The following ZNF571 variants were observed in gnomAD, a reference collection of about 807,000 sequenced individuals.
The protein encoded by ZNF571 is zinc finger protein 571.
Under a neutral mutation model 7.7 loss-of-function variants are expected in ZNF571, and 4 were observed. The ratio of observed to expected loss-of-function variants is 0.52; its 90% CI spans 0.25 to 1.18. The LOEUF is 1.18. ZNF571 is among the 50% of genes most tolerant of loss of function. The probability of loss-of-function intolerance (pLI) is 0.14; values close to 1 mark genes in which losing one functional copy is unlikely to be tolerated. For missense variants in ZNF571, 704 were observed against 726.9 expected (o/e 0.97, Z 0.36); for synonymous variants, 251 against 232.4 (o/e 1.08, Z -0.73).
intron 3 of ZNF571, among the ~76,000 whole-genome samples, chr19:37,576,098 C>T (rs930012354): frequency 7.2e-5 from 11 of 151,946 alleles, no homozygotes; most frequent in Non-Finnish European, 1.6e-4. Context: ...AGCCCAACTC[C>T]TAAAGAATTT....
chr19:37,577,292 G>A (rs541428691), intron 3 of ZNF571, among the ~76,000 whole-genome samples: 12 of 152,090 alleles, frequency 7.9e-5, no homozygotes, highest in Non-Finnish European at 1.6e-4. Flanking sequence ...CATACTATAT[G>A]CTTTAATAAA....
chr19:37,565,286 T>C lies in ZNF571; in HGVS notation c.1142A>G (p.His381Arg). 6.2e-7 allele frequency: 1 copy of C among 1,611,216 alleles called. No individual in the cohort carries two copies. The highest frequency in any genetic ancestry group is 8.5e-7 in the Non-Finnish European group (1 of 1,178,714). The change falls in exon 4 of 4, where the codon CAC becomes CGC. Residue 381 changes from histidine (H) to arginine (R), a missense_variant. Coordinates refer to ENST00000451802, the MANE Select transcript of ZNF571 (RefSeq NM_016536.5). ...TCTCTCACCTGAATGAACTCTCAGG[T>C]GGTAAGTAAGTTGTGAGCCACGAAA... ...TFFRGSQLTY[H>R]LRVHSGERPY...
chr19:37,566,627 C>T (rs1263610667), intron 3 of ZNF571: 1 of 201,562 alleles, frequency 5.0e-6, no homozygotes, highest in Non-Finnish European at 1.0e-5. Context: ...ATCAACAAAT[C>T]CTATCAGCTC....
rs8111790 is a variant in ZNF571 at position 37,565,861 on chromosome 19, C to G, written c.567G>C (p.Gln189His). The change falls in exon 4 of 4, where the codon CAG (glutamine) becomes CAC (histidine). Residue 189 changes from glutamine (Q) to histidine (H), a missense_variant. Gln to His is a conservative substitution (Grantham distance 24). Coordinates refer to ENST00000451802, the MANE Select transcript of ZNF571 (RefSeq NM_016536.5). ...KPSYIQHQRI[Q>H]TGEKPYECME... ...TACACTCATAAGGTTTCTCACCAGT[C>G]TGAATTCTCTGATGTTGAATATAGC... The G allele has an allele frequency of 0.34, 546,663 of 1,613,440 alleles. 98,924 individuals are homozygous for G. The highest frequency in any genetic ancestry group is 0.38 in the Non-Finnish European group (445,754 of 1,179,606).
intron 2 of ZNF571, 100 bp downstream of exon 2, chr19:37,586,568 T>C: frequency 2.8e-6 from 4 of 1,438,074 alleles, no homozygotes; most frequent in East Asian, 2.3e-5. Context: ...AGCAGTTCCC[T>C]TAAGGAACCA....
chr19:37,576,062 C>T (rs1426253638), intron 3 of ZNF571, among the ~76,000 whole-genome samples: 1 of 152,134 alleles, frequency 6.6e-6, no homozygotes, highest in Non-Finnish European at 1.5e-5. Context: ...CACACACACA[C>T]ACAAGTTCAT....
chr19:37,585,447 T>C (rs1360717284), intron 2 of ZNF571: 2 of 152,232 alleles, frequency 1.3e-5, no homozygotes, highest in Admixed American at 6.5e-5. Flanking sequence ...CTGATAAGAA[T>C]AGGCTGATGG....
intron 3 of ZNF571, among the ~76,000 whole-genome samples, chr19:37,581,423 A>T (rs1246421897): frequency 4.6e-5 from 7 of 150,726 alleles, no homozygotes; most frequent in Non-Finnish European, 5.9e-5. Flanking sequence ...ATTTACCTTT[A>T]TACCACCCCT....
At chr19:37,582,303 C>T (rs773369411) in intron 3 of ZNF571, among the ~76,000 whole-genome samples, 12 of 152,194 alleles carry the variant, frequency 7.9e-5, no homozygotes, top group Non-Finnish European at 1.5e-4. Context: ...CAATTTTCAG[C>T]GTTCCTCTTA....
In ZNF571 at chr19:37,566,086, A is replaced by T; in HGVS notation, c.342T>A (p.Cys114Ter). The T allele has an allele frequency of 6.2e-7, 1 of 1,614,078 alleles. No individual in the cohort carries two copies. Among genetic ancestry groups the T allele is most frequent in the Non-Finnish European group, 8.5e-7 (1 of 1,179,948 alleles). The change falls in exon 4 of 4, where the codon TGT (cysteine) becomes TGA (stop). Residue 114 changes from cysteine to a stop codon, truncating the protein, a stop_gained. Coordinates refer to ENST00000451802, the MANE Select transcript of ZNF571 (RefSeq NM_016536.5). LOFTEE classifies it low-confidence loss of function (END_TRUNC). ...EGLYMCVKIT[C>*]EEKATESHST... is the part of the protein sequence containing the mutation. ...AATGACTTTCAGTGGCCTTTTCTTC[A>T]CAGGTAATTTTGACACACATGTAAA...
chr19:37,587,335 C>T (rs746776572), intron 1 of ZNF571: 1 of 152,220 alleles, frequency 6.6e-6, no homozygotes, highest in Non-Finnish European at 1.5e-5. Flanking sequence ...TGAATAAAGT[C>T]ATTCCTTACC....
At position 37,569,649 on chromosome 19, in the gene ZNF571, G is replaced by A. The variant is rs1018032534; in HGVS notation, c.137-3358C>T. Among the ~76,000 whole-genome samples the A allele has an allele frequency of 1.3e-5, 2 of 151,996 alleles. No individual in the cohort carries two copies. The highest frequency in any genetic ancestry group is 2.4e-5 in the African/African-American group (1 of 41,444). Reference sequence around the variant, plus strand: ...TCATAACCTCTAGCAGGTTCTGCCCGGCCTGGCTCCAGTCAACCTCTCCGA... The same window carrying A: ...TCATAACCTCTAGCAGGTTCTGCCCAGCCTGGCTCCAGTCAACCTCTCCGA... On this transcript the variant is annotated intron_variant, in intron 3 of 3. Transcript: ENST00000451802. The surrounding 1 kb of genome is among the most constrained non-coding windows in gnomAD (Gnocchi z 4.4).
chr19:37,584,149 G>T, intron 2 of ZNF571, 52 bp from the exon 3 acceptor site: 2 of 1,608,798 alleles, frequency 1.2e-6, no homozygotes, highest in African/African-American at 1.3e-5. Context: ...ATTCTGAAGT[G>T]AAATGAGAAG....
Position 37,564,684 on chromosome 19 carries a change from C to T in ZNF571, c.1744G>A (p.Gly582Ser). ...ELTLHQRIHTGEKPYTCVQCG... is the reference protein window; with the variant it reads ...ELTLHQRIHTSEKPYTCVQCG... Reference sequence around the variant, plus strand: ...TGGACACATGTATAGGGTTTCTCACCAGTATGGATCCTTTGATGCAGAGTA... The same window carrying T: ...TGGACACATGTATAGGGTTTCTCACTAGTATGGATCCTTTGATGCAGAGTA... Residue 582 changes from glycine (G) to serine (S), a missense_variant, in exon 4 of 4, where the codon GGT becomes AGT. Coordinates refer to ENST00000451802, the MANE Select transcript of ZNF571 (RefSeq NM_016536.5). 1 of 1,613,376 alleles carries T rather than the reference C, an allele frequency of 6.2e-7. No individual in the cohort carries two copies. The highest frequency in any genetic ancestry group is 1.1e-5 in the South Asian group (1 of 91,032).
rs752925868 is a variant in ZNF571, at chr19:37,564,823, A to G, written c.1605T>C (p.Cys535=). The change falls in exon 4 of 4, where the codon TGT becomes TGC. Residue 535 remains cysteine, a synonymous_variant. Transcript: ENST00000451802. ...GTGAGCCACGAATAAAAGCCTTCCC[A>G]CACTGTTTACATTCATAAGGTTTTT... ...RGEKPYECKQ[C]GKAFIRGSHL... is the part of the protein sequence containing the mutation. 6.2e-7 allele frequency: 1 copy of G among 1,613,838 alleles called. No homozygotes were observed. The highest frequency in any genetic ancestry group is 1.3e-5 in the African/African-American group (1 of 74,982).
chr19:37,582,024 C>T (rs2043487102), intron 3 of ZNF571, among the ~76,000 whole-genome samples: 1 of 152,106 alleles, frequency 6.6e-6, no homozygotes, highest in Non-Finnish European at 1.5e-5. Flanking sequence ...CATATATAAA[C>T]TCTAATCACA....
At position 37,565,011 on chromosome 19, in the gene ZNF571, G is replaced by C; in HGVS notation, c.1417C>G (p.His473Asp). Residue 473 changes from histidine (H) to aspartate (D), a missense_variant, in exon 4 of 4, where the codon CAT becomes GAT. His to Asp is a moderately conservative substitution (Grantham distance 81, BLOSUM62 -1). Transcript: ENST00000451802. ...TQHEKIHGEK[H>D]YECKECGKTF... ...TTCCCACATTCCTTACATTCATAAT[G>C]TTTCTCACCATGAATTTTCTCATGT... The C allele has an allele frequency of 6.2e-7, 1 of 1,613,704 alleles. No homozygotes were observed. The highest frequency in any genetic ancestry group is 8.5e-7 in the Non-Finnish European group (1 of 1,179,878).
chr19:37,585,904 A>C (rs1324813101), intron 2 of ZNF571: 1 of 152,258 alleles, frequency 6.6e-6, no homozygotes, highest in Non-Finnish European at 1.5e-5. Context: ...AGCACAAGTC[A>C]AAATGTGATT....
At chr19:37,580,356 C>T (rs552528965) in intron 3 of ZNF571, among the ~76,000 whole-genome samples, 2 of 152,308 alleles carry the variant, frequency 1.3e-5, no homozygotes, top group East Asian at 3.9e-4. Flanking sequence ...TTCACTGATT[C>T]CCATATTTTC....
Sources: gnomAD v4.1 joint callset for allele counts (sites outside exome capture counted in the v4.1 genomes callset) on GRCh38, gnomAD v4.1.1 for gene constraint, Gnocchi (gnomAD v3.1) non-coding constraint, MANE v1.5 for transcripts, NCBI Gene and HGNC (gene_info 2026-07-23, HGNC 2026-07-21) for gene names.